Variants in NDUFAF6 observed in about 807,000 individuals in gnomAD.
NDUFAF6 encodes the protein NADH:ubiquinone oxidoreductase complex assembly factor 6.
In NDUFAF6, 45 loss-of-function variants were observed where a neutral mutation model predicts 40.8. That is an observed-to-expected ratio of 1.10 (90% CI 0.87 to 1.42). NDUFAF6 has a LOEUF of 1.42. Ranked by LOEUF, NDUFAF6 falls within the 40% of genes most tolerant of loss-of-function variation. The pLI is 0.00. For missense variants in NDUFAF6, 435 were observed against 418.5 expected (o/e 1.04, Z -0.34); for synonymous variants, 185 against 155.9 (o/e 1.19, Z -1.39).
At chr8:95,028,082 TC>T (rs759366682) in intron 1 of NDUFAF6, among the ~76,000 whole-genome samples, 7 of 152,214 alleles carry the variant, frequency 4.6e-5, no homozygotes, top group Non-Finnish European at 7.3e-5. Flanking sequence ...GGGAATCACT[TC>T]CTTTGTGCCT....
intron 1 of NDUFAF6, chr8:94,939,814 C>A (rs767090417): frequency 6.4e-7 from 1 of 1,571,884 alleles, no homozygotes; most frequent in Non-Finnish European, 8.6e-7. Context: ...AGACAAAATG[C>A]ATGCTCAGTG....
chr8:94,929,793 C>G (rs536489262), intron 1 of NDUFAF6: 2 of 152,370 alleles, frequency 1.3e-5, no homozygotes, highest in South Asian at 4.1e-4. Context: ...GTGCCTCTGT[C>G]TACAACACCT....
rs376835502 is a variant in NDUFAF6, at chr8:95,047,054, T to C, written c.641T>C (p.Val214Ala). ...ASHIGKAQGI[V>A]TCLRATPYHG... Reference sequence around the variant, plus strand: ...CATATTGGAAAAGCACAAGGCATTGTCACTTGCTTGAGAGCAACACCATAT... The same window carrying C: ...CATATTGGAAAAGCACAAGGCATTGCCACTTGCTTGAGAGCAACACCATAT... Residue 214 changes from valine to alanine, a missense_variant, in exon 6 of 9, where the codon GTC becomes GCC. Val to Ala is a moderately conservative substitution (Grantham distance 64). Transcript: ENST00000396124. 143 of 1,614,214 alleles carry C rather than the reference T, an allele frequency of 8.9e-5. No individual in the cohort carries two copies. The African/African-American group carries it at 1.6e-3, about 18-fold the overall frequency.
At chr8:95,053,920 C>T (rs896940244) in intron 8 of NDUFAF6, among the ~76,000 whole-genome samples, 9 of 141,750 alleles carry the variant, frequency 6.3e-5, no homozygotes, top group African/African-American at 2.4e-4. Flanking sequence ...AGCCACCGTG[C>T]CCGGCTTTTT....
intron 1 of NDUFAF6, among the ~76,000 whole-genome samples, chr8:94,971,843 C>CA (rs1314363589): frequency 1.3e-5 from 2 of 151,828 alleles, no homozygotes; most frequent in Non-Finnish European, 2.9e-5. Flanking sequence ...GAGGCTGAGG[C>CA]AGGAGAATCA....
chr8:94,982,957 G>A (rs1051088914), intron 2 of NDUFAF6, among the ~76,000 whole-genome samples: 3 of 152,214 alleles, frequency 2.0e-5, no homozygotes, highest in African/African-American at 7.2e-5. Context: ...GTCAGCCCTG[G>A]AACATGGTAG....
At chr8:95,085,037 C>T (rs1808995714) in intron 2 of NDUFAF6, among the ~76,000 whole-genome samples, 1 of 152,164 alleles carries the variant, frequency 6.6e-6, no homozygotes, top group South Asian at 2.1e-4. Context: ...CTTGTCAACT[C>T]CTTAGTATTT....
intron 2 of NDUFAF6, among the ~76,000 whole-genome samples, chr8:95,017,358 C>A (rs1255805757): frequency 6.6e-6 from 1 of 152,040 alleles, no homozygotes; most frequent in Non-Finnish European, 1.5e-5. Flanking sequence ...AGGAAGGGAA[C>A]AAGGGGATTA....
At chr8:94,919,880 C>A (rs1358989971) in intron 1 of NDUFAF6, among the ~76,000 whole-genome samples, 3 of 152,150 alleles carry the variant, frequency 2.0e-5, no homozygotes, top group Admixed American at 6.5e-5. Flanking sequence ...TAAAGCATGA[C>A]AAATTAAGAA....
At chr8:95,040,488 G>A (rs1227836090) in intron 3 of NDUFAF6, among the ~76,000 whole-genome samples, 1 of 152,166 alleles carries the variant, frequency 6.6e-6, no homozygotes, top group Non-Finnish European at 1.5e-5. Flanking sequence ...AGCCATTAAT[G>A]GTTCTTGTCT....
In NDUFAF6 at chr8:95,083,870, A is replaced by G. The variant is rs73262440; in HGVS notation, n.213+8118A>G. Among the ~76,000 whole-genome samples, 886 of 152,362 alleles carry G rather than the reference A, an allele frequency of 5.8e-3. 11 individuals carry two copies. Among genetic ancestry groups the G allele is most frequent in the African/African-American group, 0.02 (849 of 41,592 alleles). On this transcript the variant is annotated intron_variant and non_coding_transcript_variant, in intron 2 of 5. Coordinates refer to the NDUFAF6 transcript ENST00000523184. Reference sequence around the variant, plus strand: ...CATGTTTCGTTACCTACATTCATAAATAAAGAAAATGCTACATTTCAGTTA... The same window carrying G: ...CATGTTTCGTTACCTACATTCATAAGTAAAGAAAATGCTACATTTCAGTTA...
intron 4 of NDUFAF6, among the ~76,000 whole-genome samples, chr8:95,044,224 G>C (rs543660623): frequency 5.3e-5 from 8 of 152,108 alleles, no homozygotes; most frequent in African/African-American, 1.9e-4. Context: ...GGGCTGAGGA[G>C]GGGGGGAAAT....
chr8:94,957,246 G>A (rs566426231), upstream of NDUFAF6, among the ~76,000 whole-genome samples: 2 of 152,268 alleles, frequency 1.3e-5, no homozygotes, highest in African/African-American at 4.8e-5. Context: ...TTTATATCCA[G>A]GTGGAAGTTC....
At chr8:94,993,720 C>G (rs2131623222) in intron 2 of NDUFAF6, among the ~76,000 whole-genome samples, 1 of 152,132 alleles carries the variant, frequency 6.6e-6, no homozygotes, top group African/African-American at 2.4e-5. Flanking sequence ...ATGAGTAAGC[C>G]CAGGTAAGAC....
At chr8:95,073,350 C>T (rs1832933132) in intron 9 of NDUFAF6, among the ~76,000 whole-genome samples, 1 of 152,234 alleles carries the variant, frequency 6.6e-6, no homozygotes. Flanking sequence ...AGGAAGCTGT[C>T]GCCCCGTCGC....
At chr8:94,939,607 AG>A (rs1414411067) in intron 1 of NDUFAF6, 9 of 438,352 alleles carry the variant, frequency 2.1e-5, no homozygotes, top group Non-Finnish European at 3.8e-5. Context: ...CATGTTGCCC[AG>A]GGTGGTCTTG....
At chr8:95,069,037 C>T (rs1420250384) in intron 9 of NDUFAF6, 1 of 151,922 alleles carries the variant, frequency 6.6e-6, no homozygotes, top group African/African-American at 2.4e-5. Context: ...CATCTTTCTT[C>T]AGCCATCTTC....
intron 1 of NDUFAF6, among the ~76,000 whole-genome samples, chr8:94,905,917 T>C (rs1264014877): frequency 3.3e-5 from 5 of 152,252 alleles, no homozygotes; most frequent in Non-Finnish European, 7.3e-5. Flanking sequence ...TTGTAAACTT[T>C]GTCACTTCCT....
At chr8:95,056,806 T>C (rs1832217703) in intron 8 of NDUFAF6, among the ~76,000 whole-genome samples, 1 of 151,202 alleles carries the variant, frequency 6.6e-6, no homozygotes, top group Admixed American at 6.6e-5. Flanking sequence ...CTCTGGAGGC[T>C]GAGGCAGAAG....
Sources: gnomAD v4.1 joint callset for allele counts (sites outside exome capture counted in the v4.1 genomes callset) on GRCh38, gnomAD v4.1.1 for gene constraint, MANE v1.5 for transcripts, NCBI Gene and HGNC (gene_info 2026-07-23, HGNC 2026-07-21) for gene names.